The following DRC11 variants were observed in gnomAD, a reference collection of about 807,000 sequenced individuals.
The protein encoded by DRC11 is IQ and AAA domain-containing protein 1.
chr2:236,356,463 G>A, the DRC11 span, among the ~76,000 whole-genome samples: 28 of 152,312 alleles, frequency 1.8e-4, no homozygotes, highest in African/African-American at 4.8e-4. Flanking sequence ...TGGGGCATGC[G>A]GAGCCGATGC....
At chr2:236,408,835 G>T in the DRC11 span, 1 of 658,726 alleles carries the variant, frequency 1.5e-6, no homozygotes, top group Non-Finnish European at 2.8e-6. This position sits in a 1 kb window ranked among gnomAD's most constrained non-coding sequence, Gnocchi z 5.5. Flanking sequence ...CACCATGGCA[G>T]TGTCTCCACA....
At chr2:236,313,399 C>G in the DRC11 span, among the ~76,000 whole-genome samples, 1 of 152,108 alleles carries the variant, frequency 6.6e-6, no homozygotes, top group African/African-American at 2.4e-5. The surrounding 1 kb of genome is among the most constrained non-coding windows in gnomAD (Gnocchi z 4.5). Flanking sequence ...AAAATTGTGA[C>G]AATACCAAAT....
At chr2:236,497,202 A>G in the DRC11 span, 1 of 1,612,756 alleles carries the variant, frequency 6.2e-7, no homozygotes, top group Non-Finnish European at 8.5e-7. This position sits in a 1 kb window ranked among gnomAD's most constrained non-coding sequence, Gnocchi z 5.1. Flanking sequence ...CATCGAAATA[A>G]TGGAACTCCG....
At chr2:236,452,371 G>C in the DRC11 span, among the ~76,000 whole-genome samples, 3 of 152,172 alleles carry the variant, frequency 2.0e-5, no homozygotes, top group Non-Finnish European at 4.4e-5. The surrounding 1 kb of genome is among the most constrained non-coding windows in gnomAD (Gnocchi z 4.7). Context: ...AGATTTATCT[G>C]TGTTTCATCA....
the DRC11 span, among the ~76,000 whole-genome samples, chr2:236,375,424 A>G: frequency 2.0e-5 from 3 of 152,248 alleles, no homozygotes; most frequent in Admixed American, 2.0e-4. The surrounding 1 kb of genome is among the most constrained non-coding windows in gnomAD (Gnocchi z 4.2). Context: ...CAGTTCTGTT[A>G]AAAACAGCCA....
chr2:236,331,032 C>T, the DRC11 span, among the ~76,000 whole-genome samples: 30,977 of 152,070 alleles, frequency 0.2, 3,403 homozygotes, highest in African/African-American at 0.24. This position sits in a 1 kb window ranked among gnomAD's most constrained non-coding sequence, Gnocchi z 4.8. Context: ...GATTTCTCTA[C>T]GCAAAACTTA....
the DRC11 span, among the ~76,000 whole-genome samples, chr2:236,389,525 G>C: frequency 2.6e-5 from 4 of 152,100 alleles, no homozygotes; most frequent in African/African-American, 9.7e-5. Flanking sequence ...TTCGGCTCGC[G>C]ACCGGTGCGC....
chr2:236,316,175 CTTTT>C, the DRC11 span, among the ~76,000 whole-genome samples: 2 of 147,536 alleles, frequency 1.4e-5, no homozygotes, highest in Non-Finnish European at 3.0e-5. The surrounding 1 kb of genome is among the most constrained non-coding windows in gnomAD (Gnocchi z 6.8). Context: ...CTCTCTCTCT[CTTTT>C]TGAGATGGAG....
At chr2:236,423,003 G>A in the DRC11 span, among the ~76,000 whole-genome samples, 2 of 151,734 alleles carry the variant, frequency 1.3e-5, no homozygotes, top group Non-Finnish European at 2.9e-5. Flanking sequence ...GCCATATGTA[G>A]AAAGCTGAAA....
At chr2:236,495,049 A>G in the DRC11 span, among the ~76,000 whole-genome samples, 7 of 152,230 alleles carry the variant, frequency 4.6e-5, no homozygotes, top group Non-Finnish European at 1.0e-4. The surrounding 1 kb of genome is among the most constrained non-coding windows in gnomAD (Gnocchi z 5.6). Context: ...GTACCACAAA[A>G]TTATAGTTAG....
the DRC11 span, among the ~76,000 whole-genome samples, chr2:236,340,940 G>A: frequency 6.6e-6 from 1 of 152,104 alleles, no homozygotes; most frequent in South Asian, 2.1e-4. Flanking sequence ...CCCCATTCCA[G>A]TGCAGAGCCG....
At chr2:236,504,375 T>C in the DRC11 span, among the ~76,000 whole-genome samples, 1 of 152,356 alleles carries the variant, frequency 6.6e-6, no homozygotes, top group South Asian at 2.1e-4. The surrounding 1 kb of genome is among the most constrained non-coding windows in gnomAD (Gnocchi z 5.0). Context: ...TGTTTCCGCC[T>C]TCTTTGCTGC....
chr2:236,326,332 T>A, the DRC11 span, among the ~76,000 whole-genome samples: 1 of 152,262 alleles, frequency 6.6e-6, no homozygotes, highest in African/African-American at 2.4e-5. Flanking sequence ...AGAACTTCCA[T>A]TAATGAAGGT....
chr2:236,437,067 A>C, the DRC11 span, among the ~76,000 whole-genome samples: 1 of 146,792 alleles, frequency 6.8e-6, no homozygotes, highest in Non-Finnish European at 1.5e-5. Context: ...CATTAGGTAT[A>C]TCTCCCAATG....
the DRC11 span, among the ~76,000 whole-genome samples, chr2:236,401,569 A>G: frequency 6.6e-6 from 1 of 152,234 alleles, no homozygotes. This position sits in a 1 kb window ranked among gnomAD's most constrained non-coding sequence, Gnocchi z 4.6. Context: ...TTTCCATACA[A>G]TGAAATGTTG....
chr2:236,344,700 G>A, the DRC11 span: 1 of 1,291,016 alleles, frequency 7.7e-7, no homozygotes, highest in East Asian at 2.4e-5. Context: ...CAGGTGTGCA[G>A]AGCCCTGGTT....
the DRC11 span, among the ~76,000 whole-genome samples, chr2:236,434,381 A>C: frequency 6.6e-6 from 1 of 152,192 alleles, no homozygotes; most frequent in Admixed American, 6.5e-5. This position sits in a 1 kb window ranked among gnomAD's most constrained non-coding sequence, Gnocchi z 5.5. Flanking sequence ...AATGACTACT[A>C]TTACTGCTAC....
chr2:236,459,637 G>T, the DRC11 span, among the ~76,000 whole-genome samples: 11 of 125,728 alleles, frequency 8.7e-5, no homozygotes, highest in South Asian at 9.5e-4. Flanking sequence ...ACGTATATAC[G>T]TATATACGTA....
chr2:236,389,533 C>A, the DRC11 span, among the ~76,000 whole-genome samples: 1 of 152,142 alleles, frequency 6.6e-6, no homozygotes, highest in Non-Finnish European at 1.5e-5. Flanking sequence ...GCGACCGGTG[C>A]GCGCACCCAC....
Sources: gnomAD v4.1 joint callset for allele counts (sites outside exome capture counted in the v4.1 genomes callset) on GRCh38, gnomAD v4.1.1 for gene constraint, Gnocchi (gnomAD v3.1) non-coding constraint, MANE v1.5 for transcripts, NCBI Gene and HGNC (gene_info 2026-07-23, HGNC 2026-07-21) for gene names.